RGS3: variants seen among roughly 807,000 people sequenced by gnomAD.
The protein encoded by RGS3 is regulator of G protein signaling 3.
In RGS3, 80 loss-of-function variants were observed where a neutral mutation model predicts 132.6. The ratio of observed to expected loss-of-function variants is 0.60; its 90% CI spans 0.50 to 0.73. The LOEUF is 0.73. RGS3 is among the 30% of genes least tolerant of loss of function. The probability of loss-of-function intolerance (pLI) is 0.00; values close to 1 mark genes in which losing one functional copy is unlikely to be tolerated. For synonymous variants in RGS3, 598 were observed against 620.6 expected (o/e 0.96, Z 0.54); for missense variants, 1,382 against 1,530.8 (o/e 0.90, Z 1.62).
At chr9:113,481,252 C>T (rs1174269116) in intron 4 of RGS3, among the ~76,000 whole-genome samples, 1 of 152,216 alleles carries the variant, frequency 6.6e-6, no homozygotes, top group Non-Finnish European at 1.5e-5. Flanking sequence ...TTTGTCACAG[C>T]CCTGACTATA....
chr9:113,548,681 C>G (rs996710305), intron 19 of RGS3, among the ~76,000 whole-genome samples: 5 of 152,232 alleles, frequency 3.3e-5, no homozygotes, highest in African/African-American at 1.2e-4. Context: ...CTCACACCCC[C>G]TCCTCATACA....
intron 19 of RGS3, among the ~76,000 whole-genome samples, chr9:113,573,448 A>AGGAAGCGGCACACTGGCTGTGAG (rs1189296171): frequency 6.6e-6 from 1 of 152,180 alleles, no homozygotes; most frequent in African/African-American, 2.4e-5. Flanking sequence ...AGCAGCCGTG[A>AGGAAGCGGCACACTGGCTGTGAG]GGAAGCGGCA....
intron 1 of RGS3, among the ~76,000 whole-genome samples, chr9:113,452,924 A>G (rs1277101834): frequency 7.3e-6 from 1 of 136,938 alleles, no homozygotes; most frequent in Non-Finnish European, 1.5e-5. Context: ...ATATTTATAT[A>G]TAATATATAA....
chr9:113,503,995 C>G (rs1022233130), intron 10 of RGS3, among the ~76,000 whole-genome samples: 1 of 152,200 alleles, frequency 6.6e-6, no homozygotes, highest in Admixed American at 6.5e-5. Flanking sequence ...CCTCCTCCCC[C>G]TTCCCCTTGT....
chr9:113,454,470 G>A (rs1343411117), intron 1 of RGS3, among the ~76,000 whole-genome samples: 1 of 151,826 alleles, frequency 6.6e-6, no homozygotes, highest in African/African-American at 2.4e-5. Context: ...TAGCCAGGTG[G>A]GGTGGTGCAC....
chr9:113,446,950 A>G (rs979474223), intron 1 of RGS3, among the ~76,000 whole-genome samples: 2 of 152,120 alleles, frequency 1.3e-5, no homozygotes, highest in African/African-American at 4.8e-5. Context: ...TACCTTGGCC[A>G]GATTTCATCC....
intron 19 of RGS3, among the ~76,000 whole-genome samples, chr9:113,561,432 C>A (rs72763816): frequency 6.6e-6 from 1 of 151,224 alleles, no homozygotes; most frequent in East Asian, 2.0e-4. Context: ...CTCTCTTTCA[C>A]GGGGTCTTGC....
At chr9:113,498,206 A>C (rs1830748590) in intron 10 of RGS3, 126 bp downstream of exon 8, 2 of 746,606 alleles carry the variant, frequency 2.7e-6, no homozygotes, top group Non-Finnish European at 4.6e-6. Context: ...TGTACTCAGA[A>C]GGAATAATTT....
intron 15 of RGS3, chr9:113,517,246 G>A (rs1831720754): frequency 3.6e-6 from 2 of 549,556 alleles, no homozygotes; most frequent in Non-Finnish European, 7.0e-6. Flanking sequence ...AGCTGGGGCT[G>A]AGGACTGCAG....
At chr9:113,535,037 A>G (rs1156905349) in intron 18 of RGS3, among the ~76,000 whole-genome samples, 1 of 152,098 alleles carries the variant, frequency 6.6e-6, no homozygotes, top group Non-Finnish European at 1.5e-5. Flanking sequence ...AACAAATATT[A>G]TTGTCTTTGC....
chr9:113,508,480 C>T, intron 13 of RGS3, 61 bp from the exon 12 acceptor site: 3 of 1,604,048 alleles, frequency 1.9e-6, no homozygotes, highest in Non-Finnish European at 1.7e-6. Context: ...GTCCAGCAGC[C>T]TCCTGGGCTG....
In RGS3 at chr9:113,507,308, C is replaced by T. The variant is rs767586006; in HGVS notation, c.1107C>T (p.Ile369=). Reference sequence around the variant, plus strand: ...CCAGGAGCTGCCCCAGTGAGATCATCCTACTCGTGTGGCGCATGGTCCCCC... The same window carrying T: ...CCAGGAGCTGCCCCAGTGAGATCATTCTACTCGTGTGGCGCATGGTCCCCC... The change falls in exon 13 of 25, where the codon ATC becomes ATT. Residue 369 remains isoleucine, a synonymous_variant. Transcript: ENST00000350696. This position sits in a 1 kb window ranked among gnomAD's most constrained non-coding sequence, Gnocchi z 5.0. 2.5e-6 allele frequency: 4 copies of T among 1,612,836 alleles called. No individual in the cohort carries two copies. In the East Asian group the frequency reaches 8.9e-5, roughly 36 times the overall value.
intron 7 of RGS3, among the ~76,000 whole-genome samples, chr9:113,490,596 T>A (rs563654005): frequency 1.0e-4 from 13 of 130,284 alleles, no homozygotes; most frequent in Non-Finnish European, 2.0e-4. Flanking sequence ...TGTACTAAGG[T>A]AAAAAATGCA....
chr9:113,595,425 A>G, intron 23 of RGS3, 174 bp from the exon 22 acceptor site: 1 of 636,262 alleles, frequency 1.6e-6, no homozygotes, highest in South Asian at 2.0e-5. Context: ...GAGACCCTGA[A>G]AGAGGCAGTG....
At chr9:113,524,423 T>C (rs1832104792) in intron 17 of RGS3, among the ~76,000 whole-genome samples, 1 of 152,116 alleles carries the variant, frequency 6.6e-6, no homozygotes. Flanking sequence ...GGTACATGAA[T>C]GGAACCCTCT....
At chr9:113,503,143 G>C (rs1013539545) in intron 10 of RGS3, among the ~76,000 whole-genome samples, 1 of 152,216 alleles carries the variant, frequency 6.6e-6, no homozygotes, top group African/African-American at 2.4e-5. Context: ...ACAGGAAAGA[G>C]CGAGAACCAC....
rs774689229 is a variant in RGS3 at position 113,584,083 on chromosome 9, G to T, written c.2671G>T (p.Gly891Trp). 10 of 1,614,206 alleles carry T rather than the reference G, an allele frequency of 6.2e-6. No homozygotes were observed. The Admixed American group carries it at 1.7e-4, about 27-fold the overall frequency. Residue 891 changes from glycine (G) to tryptophan (W), a missense_variant, in exon 20 of 25, where the codon GGG becomes TGG. Transcript: ENST00000350696. ...AGAAGAGGCCGAGGAGGTGGAGGAG[G>T]GGGAGGAAGGGGAGGAGGACGAGGA...
chr9:113,559,853 A>G (rs149018540), intron 19 of RGS3, among the ~76,000 whole-genome samples: 25 of 152,252 alleles, frequency 1.6e-4, no homozygotes, highest in Middle Eastern at 3.4e-3. Flanking sequence ...TAATTTTACC[A>G]TTTACATTAA....
intron 1 of RGS3, among the ~76,000 whole-genome samples, chr9:113,453,169 T>C (rs1829295235): frequency 7.7e-6 from 1 of 130,128 alleles, no homozygotes; most frequent in East Asian, 2.2e-4. Flanking sequence ...CTCATATGAT[T>C]ATATAATATA....
Sources: allele counts gnomAD v4.1 joint callset (sites outside exome capture counted in the v4.1 genomes callset), GRCh38; gene constraint gnomAD v4.1.1; non-coding constraint Gnocchi (gnomAD v3.1); transcripts MANE v1.5; gene names NCBI Gene and HGNC (gene_info 2026-07-23, HGNC 2026-07-21).